The following SORCS2 variants were observed in gnomAD, a reference collection of about 807,000 sequenced individuals.
SORCS2 encodes the protein VPS10 domain-containing receptor SorCS2.
In SORCS2, 100 loss-of-function variants were observed where a neutral mutation model predicts 141.6. The ratio of observed to expected loss-of-function variants is 0.71; its 90% CI spans 0.60 to 0.83. The LOEUF is 0.83. SORCS2 is among the 40% of genes least tolerant of loss of function. The pLI is 0.00. For synonymous variants in SORCS2, 789 were observed against 676.9 expected (o/e 1.17, Z -2.57); for missense variants, 1,646 against 1,560.2 (o/e 1.05, Z -0.93).
At chr4:7,227,988 G>A (rs1711539975) in intron 1 of SORCS2, among the ~76,000 whole-genome samples, 2 of 152,166 alleles carry the variant, frequency 1.3e-5, no homozygotes, top group South Asian at 4.1e-4. Context: ...TGACTGAACG[G>A]GAGCAAGCGG....
intron 2 of SORCS2, among the ~76,000 whole-genome samples, chr4:7,429,399 G>A (rs1039046245): frequency 6.6e-6 from 1 of 152,238 alleles, no homozygotes; most frequent in Non-Finnish European, 1.5e-5. Flanking sequence ...CGCCCTAAGG[G>A]CATTTGGTGA....
At chr4:7,226,775 T>C (rs1729015220) in intron 1 of SORCS2, among the ~76,000 whole-genome samples, 1 of 151,948 alleles carries the variant, frequency 6.6e-6, no homozygotes. Flanking sequence ...TGGTGGGGGA[T>C]GGAAGGGGGG....
chr4:7,414,676 C>T (rs1442557340), intron 2 of SORCS2, among the ~76,000 whole-genome samples: 2 of 152,176 alleles, frequency 1.3e-5, no homozygotes, highest in Non-Finnish European at 2.9e-5. Flanking sequence ...AAAATGGTTA[C>T]AGAGTGATAA....
chr4:7,727,917 G>A, intron 21 of SORCS2, among the ~76,000 whole-genome samples: 1 of 152,228 alleles, frequency 6.6e-6, no homozygotes, highest in Non-Finnish European at 1.5e-5. Context: ...GGGAGGACCA[G>A]CAAGTTGAAG....
At chr4:7,552,240 T>A (rs78942621) in intron 3 of SORCS2, among the ~76,000 whole-genome samples, 2,068 of 152,218 alleles carry the variant, frequency 0.014, 48 homozygotes, top group African/African-American at 0.047. Context: ...TTGCTGAGGG[T>A]CCTTGGCTGT....
At chr4:7,586,362 G>T (rs1270948132) in intron 3 of SORCS2, among the ~76,000 whole-genome samples, 1 of 152,114 alleles carries the variant, frequency 6.6e-6, no homozygotes, top group Non-Finnish European at 1.5e-5. Flanking sequence ...ACATGTGCAG[G>T]ATGTACAGGT....
intron 2 of SORCS2, among the ~76,000 whole-genome samples, chr4:7,496,625 A>T (rs569430047): frequency 7.7e-4 from 117 of 152,152 alleles, no homozygotes; most frequent in Middle Eastern, 6.8e-3. Flanking sequence ...GATAAAAATA[A>T]AGAGAAAGGA....
intron 2 of SORCS2, among the ~76,000 whole-genome samples, chr4:7,437,353 G>A (rs913304540): frequency 6.6e-6 from 1 of 152,184 alleles, no homozygotes; most frequent in Non-Finnish European, 1.5e-5. Context: ...CTAGGGGCCG[G>A]GGTGCAGGGC....
chr4:7,613,431 G>A (rs187285411), intron 3 of SORCS2, among the ~76,000 whole-genome samples: 5 of 152,312 alleles, frequency 3.3e-5, no homozygotes, highest in African/African-American at 7.2e-5. Flanking sequence ...GGGAAGCAGG[G>A]TAGGCCTGGG....
intron 18 of SORCS2, among the ~76,000 whole-genome samples, chr4:7,721,485 T>C (rs1726589106): frequency 6.6e-6 from 1 of 151,944 alleles, no homozygotes; most frequent in Non-Finnish European, 1.5e-5. Flanking sequence ...ATAATAGTAA[T>C]ACCTGCTTCA....
intron 1 of SORCS2, among the ~76,000 whole-genome samples, chr4:7,388,900 G>A (rs1577486432): frequency 2.6e-5 from 2 of 76,232 alleles, no homozygotes; most frequent in African/African-American, 8.0e-5. Context: ...GGTTGTTGTG[G>A]TGTTGTGGTG....
chr4:7,243,663 G>C (rs1040177278), intron 1 of SORCS2, among the ~76,000 whole-genome samples: 28 of 152,234 alleles, frequency 1.8e-4, no homozygotes, highest in African/African-American at 6.3e-4. Context: ...ACTCTCAGAA[G>C]GCCAGCGGGT....
At chr4:7,372,700 C>T (rs749423038) in intron 1 of SORCS2, among the ~76,000 whole-genome samples, 12 of 152,180 alleles carry the variant, frequency 7.9e-5, no homozygotes, top group Non-Finnish European at 1.5e-4. Flanking sequence ...AAGAACATTT[C>T]CCTCACCCCC....
At chr4:7,635,825 A>G (rs888239735) in intron 3 of SORCS2, among the ~76,000 whole-genome samples, 1 of 152,178 alleles carries the variant, frequency 6.6e-6, no homozygotes, top group Non-Finnish European at 1.5e-5. Context: ...CGGAGGCCAC[A>G]TCTTTCTCCG....
At chr4:7,289,854 C>T (rs1286353586) in intron 1 of SORCS2, among the ~76,000 whole-genome samples, 3 of 152,148 alleles carry the variant, frequency 2.0e-5, no homozygotes, top group Non-Finnish European at 2.9e-5. Flanking sequence ...CGCTGCAGGG[C>T]CTCCCCTTTG....
intron 3 of SORCS2, among the ~76,000 whole-genome samples, chr4:7,589,651 T>A (rs2108772619): frequency 6.6e-6 from 1 of 152,320 alleles, no homozygotes. Flanking sequence ...TCTGCCCACC[T>A]CAGCCTCCCA....
intron 1 of SORCS2, among the ~76,000 whole-genome samples, chr4:7,228,702 C>G (rs942672711): frequency 3.9e-5 from 6 of 152,194 alleles, no homozygotes; most frequent in Non-Finnish European, 8.8e-5. Context: ...GGACCCGCAG[C>G]TTCTCTGTGG....
At chr4:7,262,368 A>C (rs1181988006) in intron 1 of SORCS2, among the ~76,000 whole-genome samples, 1 of 133,500 alleles carries the variant, frequency 7.5e-6, no homozygotes, top group Non-Finnish European at 1.6e-5. Context: ...CCACCCACCT[A>C]TCCATCTATC....
Position 7,681,321 on chromosome 4 carries a change from C to T in SORCS2, c.1342-1422C>T, listed in dbSNP as rs535575081. On this transcript the variant is annotated intron_variant, in intron 9 of 26. Transcript: ENST00000507866. Reference sequence around the variant, plus strand: ...AGATGACCTGGGTTATCTGGAGGGGCCTAGTGTCAGCACATGGATCCTTAA... The same window carrying T: ...AGATGACCTGGGTTATCTGGAGGGGTCTAGTGTCAGCACATGGATCCTTAA... Among the ~76,000 whole-genome samples, 55 of 152,236 alleles carry T rather than the reference C, an allele frequency of 3.6e-4. 1 individual carries two copies. In the South Asian group the frequency reaches 0.011, roughly 31 times the overall value.
Sources: allele counts gnomAD v4.1 joint callset (sites outside exome capture counted in the v4.1 genomes callset), GRCh38; gene constraint gnomAD v4.1.1; transcripts MANE v1.5; gene names NCBI Gene and HGNC (gene_info 2026-07-23, HGNC 2026-07-21).